CEP63: variants seen among roughly 807,000 people sequenced by gnomAD.
CEP63 encodes the protein centrosomal protein of 63 kDa.
CEP63 carries 84 observed loss-of-function variants against 89.1 expected under a neutral mutation model. The ratio of observed to expected loss-of-function variants is 0.94; its 90% CI spans 0.79 to 1.13. The LOEUF is 1.13. Among genes scored for constraint, CEP63 ranks in the 50% most tolerant of loss-of-function variants. CEP63 has a pLI of 0.00. For synonymous variants in CEP63, 267 were observed against 272.5 expected (o/e 0.98, Z 0.20); for missense variants, 838 against 813.3 (o/e 1.03, Z -0.37).
the CEP63 span, among the ~76,000 whole-genome samples, chr3:134,708,906 G>C: frequency 0.072 from 11,009 of 152,058 alleles, 718 homozygotes; most frequent in African/African-American, 0.18. Context: ...TAGTGGGGGT[G>C]GGGGAAGATT....
chr3:134,520,064 T>C (rs1947109765), intron 3 of CEP63, among the ~76,000 whole-genome samples: 1 of 152,136 alleles, frequency 6.6e-6, no homozygotes, highest in South Asian at 2.1e-4. Flanking sequence ...GTTGTTGTTA[T>C]TGTAGTGGAG....
chr3:134,672,559 G>A, the CEP63 span, among the ~76,000 whole-genome samples: 1 of 152,172 alleles, frequency 6.6e-6, no homozygotes, highest in African/African-American at 2.4e-5. Flanking sequence ...AAGGGGGAAA[G>A]GCAAATAATC....
chr3:134,502,626 CTG>C (rs1220583923), intron 2 of CEP63, among the ~76,000 whole-genome samples: 1 of 152,068 alleles, frequency 6.6e-6, no homozygotes, highest in Non-Finnish European at 1.5e-5. Flanking sequence ...TCATAGTAGT[CTG>C]TGAGGATCTT....
At chr3:134,746,351 T>C in the CEP63 span, among the ~76,000 whole-genome samples, 6 of 152,348 alleles carry the variant, frequency 3.9e-5, no homozygotes, top group African/African-American at 1.4e-4. Context: ...TTCCAAGTCT[T>C]TGCTATTGTG....
At chr3:134,622,293 C>G in the CEP63 span, among the ~76,000 whole-genome samples, 42 of 152,110 alleles carry the variant, frequency 2.8e-4, no homozygotes, top group African/African-American at 8.4e-4. Flanking sequence ...TCCACAATAG[C>G]CAAAAGGTTA....
Position 134,562,259 on chromosome 3 carries a change from C to T in CEP63, c.*724C>T, listed in dbSNP as rs374405460. The T allele has an allele frequency of 1.1e-5, 11 of 974,314 alleles. No individual in the cohort carries two copies. Among genetic ancestry groups the T allele is most frequent in the East Asian group, 1.1e-4 (1 of 8,748 alleles). The allele number at this position is 974,314 out of a possible 1,614,324, so 60.4% of individuals were successfully genotyped here. A position where few individuals can be genotyped will look rare whatever the true frequency, so the allele number is the denominator to read the frequency against. The stretch of plus-strand genomic sequence containing the variant: ...GACAAAGATCTGGATGTTGATGTGC[C>T]GCAGGCATTTGAAACGATGGGAGTT... On this transcript the variant is annotated 3_prime_UTR_variant, in exon 15 of 15. Coordinates refer to ENST00000675561, the MANE Select transcript of CEP63 (RefSeq NM_001353108.3).
At chr3:134,492,218 C>T (rs560902150) in intron 1 of CEP63, among the ~76,000 whole-genome samples, 10 of 151,892 alleles carry the variant, frequency 6.6e-5, no homozygotes, top group African/African-American at 2.2e-4. Context: ...GGACTACAGG[C>T]GCGCGCCACC....
chr3:134,608,843 G>C, the CEP63 span: 1 of 1,604,304 alleles, frequency 6.2e-7, no homozygotes, highest in Non-Finnish European at 8.5e-7. Flanking sequence ...ATTGTAGCTG[G>C]AGCAGAGACA....
chr3:134,703,078 GA>G, the CEP63 span, among the ~76,000 whole-genome samples: 1 of 152,034 alleles, frequency 6.6e-6, no homozygotes, highest in Non-Finnish European at 1.5e-5. Context: ...GGTGGATCAT[GA>G]GGTCAGGAGA....
rs371217807 is a variant in CEP63 at position 134,509,101 on chromosome 3, G to T, written c.222+1815G>T. ...AATATTTTGCTTCTTGTATTAGTCT[G>T]TTCTCACATTGTGATAAAGAAATCT... is the stretch of plus-strand genomic sequence containing the variant. On this transcript the variant is annotated intron_variant, in intron 3 of 14. Transcript: ENST00000675561. Among the ~76,000 whole-genome samples, 112 of 152,090 alleles carry T rather than the reference G, an allele frequency of 7.4e-4. 6 individuals are homozygous for T. The South Asian group carries it at 0.022, about 30-fold the overall frequency.
At chr3:134,505,102 A>G (rs1943119509) in intron 2 of CEP63, among the ~76,000 whole-genome samples, 1 of 152,044 alleles carries the variant, frequency 6.6e-6, no homozygotes, top group South Asian at 2.1e-4. Flanking sequence ...TTTTATAGGC[A>G]TTTCATACAT....
chr3:134,714,132 G>A, the CEP63 span, among the ~76,000 whole-genome samples: 24 of 152,178 alleles, frequency 1.6e-4, no homozygotes, highest in African/African-American at 5.8e-4. Flanking sequence ...TGCAAGTTAT[G>A]GAGAAAATAC....
chr3:134,621,731 TA>T, the CEP63 span, among the ~76,000 whole-genome samples: 1 of 151,838 alleles, frequency 6.6e-6, no homozygotes, highest in African/African-American at 2.4e-5. Flanking sequence ...TTCGTGAAAA[TA>T]AAAAATTTCT....
intron 2 of CEP63, among the ~76,000 whole-genome samples, chr3:134,506,104 G>A (rs1166781765): frequency 1.3e-5 from 2 of 152,164 alleles, no homozygotes; most frequent in Non-Finnish European, 2.9e-5. Flanking sequence ...CTAAGAACAG[G>A]TGCTTTTTGA....
At chr3:134,650,831 C>A in the CEP63 span, 1 of 1,594,432 alleles carries the variant, frequency 6.3e-7, no homozygotes, top group Non-Finnish European at 8.6e-7. Context: ...TTACCTCCTC[C>A]GCGCTGCAGC....
At chr3:134,726,995 T>TCCCTGTC in the CEP63 span, among the ~76,000 whole-genome samples, 1 of 152,140 alleles carries the variant, frequency 6.6e-6, no homozygotes, top group Non-Finnish European at 1.5e-5. Flanking sequence ...TCTCTCTCCC[T>TCCCTGTC]CCCTGTCCCC....
At chr3:134,632,988 G>A in the CEP63 span, among the ~76,000 whole-genome samples, 1 of 151,942 alleles carries the variant, frequency 6.6e-6, no homozygotes, top group East Asian at 1.9e-4. Context: ...CAAAACTTCT[G>A]TGCACATAAA....
At chr3:134,534,033 T>C (rs1365521032) in intron 5 of CEP63, among the ~76,000 whole-genome samples, 2 of 152,220 alleles carry the variant, frequency 1.3e-5, no homozygotes, top group African/African-American at 2.4e-5. Context: ...TTCTCTTTTC[T>C]TTCTACCTCA....
At chr3:134,715,517 T>C in the CEP63 span, among the ~76,000 whole-genome samples, 156 of 119,704 alleles carry the variant, frequency 1.3e-3, 1 homozygote, top group Admixed American at 4.1e-3. Flanking sequence ...CAGGAAAGGT[T>C]TTTTTTTTTT....
Sources: gnomAD v4.1 joint callset for allele counts (sites outside exome capture counted in the v4.1 genomes callset) on GRCh38, gnomAD v4.1.1 for gene constraint, MANE v1.5 for transcripts, NCBI Gene and HGNC (gene_info 2026-07-23, HGNC 2026-07-21) for gene names.